FERRY3: variants seen among roughly 807,000 people sequenced by gnomAD.
FERRY3 encodes the protein FERRY endosomal RAB5 effector complex subunit 3.
At chr12:4,525,303 C>A in the FERRY3 span, 1 of 1,613,462 alleles carries the variant, frequency 6.2e-7, no homozygotes, top group Non-Finnish European at 8.5e-7. Context: ...AGTTTTATTA[C>A]CCATTCTTGA....
the FERRY3 span, chr12:4,534,384 G>A: frequency 7.1e-7 from 1 of 1,407,886 alleles, no homozygotes; most frequent in Non-Finnish European, 9.5e-7. Flanking sequence ...GAATTCCAAT[G>A]TGAAATCTTA....
At chr12:4,533,218 T>C in the FERRY3 span, among the ~76,000 whole-genome samples, 1 of 152,212 alleles carries the variant, frequency 6.6e-6, no homozygotes, top group Non-Finnish European at 1.5e-5. Flanking sequence ...GTCTTCCCAG[T>C]TATGATTAAT....
chr12:4,527,324 T>C, the FERRY3 span, among the ~76,000 whole-genome samples: 3 of 152,120 alleles, frequency 2.0e-5, no homozygotes, highest in African/African-American at 4.8e-5. Flanking sequence ...AAAAGGCAAC[T>C]AGCTAATCAT....
chr12:4,489,963 GAAGTATTTT>G, the FERRY3 span: 1 of 1,140,604 alleles, frequency 8.8e-7, no homozygotes, highest in Non-Finnish European at 1.3e-6. Context: ...AATAATTTTA[GAAGTATTTT>G]AAAATATGGA....
the FERRY3 span, chr12:4,518,910 T>C: frequency 7.1e-7 from 1 of 1,410,680 alleles, no homozygotes; most frequent in South Asian, 1.4e-5. Context: ...TGATATACTT[T>C]TATGTTTGTC....
the FERRY3 span, among the ~76,000 whole-genome samples, chr12:4,532,358 C>T: frequency 6.6e-6 from 1 of 152,184 alleles, no homozygotes; most frequent in East Asian, 1.9e-4. Context: ...AAATCTCCAG[C>T]AAGCCTTTGT....
At chr12:4,528,875 C>A in the FERRY3 span, among the ~76,000 whole-genome samples, 1 of 148,222 alleles carries the variant, frequency 6.7e-6, no homozygotes, top group East Asian at 2.0e-4. Context: ...AAATTTACTC[C>A]TTTGGGACTA....
the FERRY3 span, among the ~76,000 whole-genome samples, chr12:4,503,278 T>C: frequency 7.9e-5 from 12 of 152,166 alleles, no homozygotes; most frequent in African/African-American, 1.9e-4. Context: ...AAGGACCAGA[T>C]TGGATGTTAA....
the FERRY3 span, among the ~76,000 whole-genome samples, chr12:4,531,259 C>T: frequency 2.6e-5 from 4 of 152,148 alleles, no homozygotes; most frequent in African/African-American, 9.7e-5. Context: ...CATCTTTAGA[C>T]GTGCGACTGC....
chr12:4,525,192 G>T, the FERRY3 span: 1 of 1,544,006 alleles, frequency 6.5e-7, no homozygotes, highest in Non-Finnish European at 8.8e-7. Context: ...TAACTTTGTA[G>T]TAAATATAAA....
the FERRY3 span, among the ~76,000 whole-genome samples, chr12:4,528,940 A>AC: frequency 3.9e-3 from 459 of 117,298 alleles, 2 homozygotes; most frequent in African/African-American, 0.012. Flanking sequence ...CACACACACA[A>AC]ACAAAAGTGA....
the FERRY3 span, among the ~76,000 whole-genome samples, chr12:4,521,595 T>C: frequency 6.6e-6 from 1 of 152,048 alleles, no homozygotes; most frequent in Non-Finnish European, 1.5e-5. Context: ...AATTGGAAAT[T>C]CTAGAAATCA....
the FERRY3 span, among the ~76,000 whole-genome samples, chr12:4,525,742 C>G: frequency 6.6e-6 from 1 of 152,028 alleles, no homozygotes; most frequent in Non-Finnish European, 1.5e-5. Context: ...CTTTAGAATC[C>G]TTGGAAATGG....
At chr12:4,517,770 G>C in the FERRY3 span, among the ~76,000 whole-genome samples, 1 of 150,120 alleles carries the variant, frequency 6.7e-6, no homozygotes, top group South Asian at 2.1e-4. Context: ...CACCAAGCCA[G>C]AATTTGCTTC....
chr12:4,519,803 G>A, the FERRY3 span, among the ~76,000 whole-genome samples: 1 of 152,198 alleles, frequency 6.6e-6, no homozygotes, highest in African/African-American at 2.4e-5. The surrounding 1 kb of genome is among the most constrained non-coding windows in gnomAD (Gnocchi z 4.3). Context: ...ATTGTGAACT[G>A]CGCATGCAAG....
chr12:4,505,099 C>A, the FERRY3 span, among the ~76,000 whole-genome samples: 1 of 152,078 alleles, frequency 6.6e-6, no homozygotes, highest in Non-Finnish European at 1.5e-5. Context: ...AACGAGGCTT[C>A]GTCTCAAAAC....
At chr12:4,494,793 T>C in the FERRY3 span, among the ~76,000 whole-genome samples, 7 of 152,252 alleles carry the variant, frequency 4.6e-5, no homozygotes, top group African/African-American at 1.7e-4. Flanking sequence ...AAAATTGTTT[T>C]GGCTGTTTCA....
chr12:4,509,698 G>C, the FERRY3 span, among the ~76,000 whole-genome samples: 3 of 142,794 alleles, frequency 2.1e-5, no homozygotes, highest in Non-Finnish European at 3.0e-5. Flanking sequence ...CTGTCTGTTA[G>C]AAGGAAAACT....
chr12:4,520,561 A>G, the FERRY3 span, among the ~76,000 whole-genome samples: 13 of 152,344 alleles, frequency 8.5e-5, no homozygotes, highest in East Asian at 2.5e-3. Context: ...CGTTCTAAGC[A>G]CAAAGTAGCA....
Sources: gnomAD v4.1 joint callset for allele counts (sites outside exome capture counted in the v4.1 genomes callset) on GRCh38, gnomAD v4.1.1 for gene constraint, Gnocchi (gnomAD v3.1) non-coding constraint, MANE v1.5 for transcripts, NCBI Gene and HGNC (gene_info 2026-07-23, HGNC 2026-07-21) for gene names.